The following DPP6 variants were observed in gnomAD, a reference collection of about 807,000 sequenced individuals.
The protein encoded by DPP6 is A-type potassium channel modulatory protein DPP6.
DPP6 carries 69 observed loss-of-function variants against 122.6 expected under a neutral mutation model. The observed-to-expected ratio is 0.56, with a 90% CI of 0.46 to 0.69. The LOEUF (loss-of-function observed/expected upper bound fraction) is 0.69. DPP6 is among the 30% of genes least tolerant of loss of function. The probability of loss-of-function intolerance (pLI) is 0.00; values close to 1 mark genes in which losing one functional copy is unlikely to be tolerated. For synonymous variants in DPP6, 418 were observed against 433.1 expected (o/e 0.97, Z 0.43); for missense variants, 928 against 1,116.9 (o/e 0.83, Z 2.41).
chr7:154,795,827 G>C lies in DPP6; in HGVS notation c.1261-18G>C. The C allele has an allele frequency of 6.2e-7, 1 of 1,606,024 alleles. No homozygotes were observed. Among genetic ancestry groups the C allele is most frequent in the South Asian group, 1.1e-5 (1 of 89,724 alleles). ...GAAAAGAAAAACCCTCTTGTCTAAT[G>C]CTCTCATTTCATTTCAGAAACACGA... On this transcript the variant is annotated intron_variant, in intron 11 of 25. Transcript: ENST00000377770.
chr7:153,768,657 T>G, the DPP6 span, among the ~76,000 whole-genome samples: 54 of 152,300 alleles, frequency 3.5e-4, no homozygotes, highest in African/African-American at 1.3e-3. Context: ...GTATATTGTC[T>G]TCAAATCTTT....
intron 1 of DPP6, chr7:154,058,219 T>C: frequency 7.0e-6 from 1 of 143,558 alleles, no homozygotes; most frequent in Non-Finnish European, 1.5e-5. Context: ...CTCCCCTGGC[T>C]CTTTGCACCC....
rs542914603 is a variant in DPP6 at position 154,468,051 on chromosome 7, A to G, written c.359-6888A>G. Among the ~76,000 whole-genome samples, 36 of 152,344 alleles carry G rather than the reference A, an allele frequency of 2.4e-4. 4 individuals carry two copies. The highest frequency in any genetic ancestry group is 2.2e-3 in the Admixed American group (34 of 15,302). On this transcript the variant is annotated intron_variant, in intron 2 of 25. Coordinates refer to ENST00000377770, the MANE Select transcript of DPP6 (RefSeq NM_130797.4). ...AAAGTGACACATTTCTCCAAAGAAG[A>G]TATAAAAATAACCAGTCAGTGCATG...
chr7:153,781,330 A>C, the DPP6 span, among the ~76,000 whole-genome samples: 1 of 152,198 alleles, frequency 6.6e-6, no homozygotes, highest in African/African-American at 2.4e-5. Context: ...TCCGAGATCA[A>C]AATTCCCCAG....
At chr7:154,206,062 G>A (rs375227171) in intron 1 of DPP6, among the ~76,000 whole-genome samples, 22 of 152,294 alleles carry the variant, frequency 1.4e-4, no homozygotes, top group Middle Eastern at 3.4e-3. Flanking sequence ...AAACATTTTT[G>A]AATGAAGGTC....
At chr7:154,157,422 T>A (rs1309205138) in intron 1 of DPP6, among the ~76,000 whole-genome samples, 1 of 152,212 alleles carries the variant, frequency 6.6e-6, no homozygotes, top group Non-Finnish European at 1.5e-5. Context: ...CTAGTTGTCT[T>A]GTGCTTCGTG....
intron 12 of DPP6, among the ~76,000 whole-genome samples, chr7:154,800,046 G>A (rs566285419): frequency 6.6e-5 from 10 of 152,202 alleles, no homozygotes; most frequent in African/African-American, 1.4e-4. Flanking sequence ...TCTGCCAAAC[G>A]TGCAAACATT....
intron 6 of DPP6, among the ~76,000 whole-genome samples, chr7:154,639,751 T>A (rs1225902174): frequency 6.6e-6 from 1 of 152,208 alleles, no homozygotes; most frequent in Admixed American, 6.5e-5. Context: ...CGGAGGGAGC[T>A]GCTTCTGGTG....
intron 1 of DPP6, among the ~76,000 whole-genome samples, chr7:154,006,168 C>T (rs1024116737): frequency 1.3e-5 from 2 of 152,140 alleles, no homozygotes; most frequent in Admixed American, 6.5e-5. Flanking sequence ...CAGCATCTGC[C>T]CTGACCTTGG....
intron 1 of DPP6, among the ~76,000 whole-genome samples, chr7:154,317,816 G>A (rs1807566636): frequency 6.6e-6 from 1 of 152,106 alleles, no homozygotes; most frequent in Non-Finnish European, 1.5e-5. Flanking sequence ...GTAACAGACA[G>A]TAATTGAGAA....
chr7:154,617,359 A>T (rs1227571201), intron 5 of DPP6, among the ~76,000 whole-genome samples: 1 of 152,262 alleles, frequency 6.6e-6, no homozygotes, highest in Admixed American at 6.5e-5. Context: ...GGATCCTGGA[A>T]TTACAGCATC....
chr7:154,054,007 G>T (rs1449938013), intron 1 of DPP6, among the ~76,000 whole-genome samples: 1 of 147,728 alleles, frequency 6.8e-6, no homozygotes, highest in Non-Finnish European at 1.5e-5. Flanking sequence ...TCTTTTCCCA[G>T]GGAAAAGAGA....
intron 1 of DPP6, among the ~76,000 whole-genome samples, chr7:153,987,134 G>A (rs1179324190): frequency 1.3e-5 from 2 of 152,162 alleles, no homozygotes; most frequent in African/African-American, 4.8e-5. Context: ...CAAGATGTAA[G>A]ATTTTACACC....
At chr7:154,494,125 C>T (rs1388186131) in intron 3 of DPP6, among the ~76,000 whole-genome samples, 3 of 152,016 alleles carry the variant, frequency 2.0e-5, no homozygotes, top group East Asian at 1.9e-4. Context: ...AGGCCAAAGC[C>T]GAAACATCGC....
chr7:154,318,531 TG>T (rs1807636132), intron 1 of DPP6, among the ~76,000 whole-genome samples: 1 of 152,146 alleles, frequency 6.6e-6, no homozygotes, highest in South Asian at 2.1e-4. Context: ...CCTTTGAAAA[TG>T]ATTTGTACAC....
intron 1 of DPP6, among the ~76,000 whole-genome samples, chr7:154,422,977 A>G (rs1351537292): frequency 6.6e-6 from 1 of 152,162 alleles, no homozygotes; most frequent in Non-Finnish European, 1.5e-5. Context: ...GAAGCCCCCC[A>G]TCTCAGGGGG....
At chr7:154,106,871 T>G (rs1806200337) in intron 1 of DPP6, among the ~76,000 whole-genome samples, 2 of 151,978 alleles carry the variant, frequency 1.3e-5, no homozygotes, top group African/African-American at 4.8e-5. Context: ...TGACGCTGAG[T>G]GCTTTCAAGC....
rs1250717157 is a variant in DPP6, at chr7:154,893,464, A to C, written c.*984A>C. 1 of 141,618 alleles carries C rather than the reference A, an allele frequency of 7.1e-6. No homozygotes were observed. Among genetic ancestry groups the C allele is most frequent in the Non-Finnish European group, 1.5e-5 (1 of 64,986 alleles). The allele number at this position is 141,618 out of a possible 1,614,324, so 8.8% of individuals were successfully genotyped here. A position where few individuals can be genotyped will look rare whatever the true frequency, so the allele number is the denominator to read the frequency against. Reference sequence around the variant, plus strand: ...ATGACATTTGGTTTAAAAAAAAAAAAAAAAAAAAAAAAAAAACAGAAAAAA... The same window carrying C: ...ATGACATTTGGTTTAAAAAAAAAAACAAAAAAAAAAAAAAAACAGAAAAAA... On this transcript the variant is annotated 3_prime_UTR_variant, in exon 26 of 26. Transcript: ENST00000377770.
chr7:154,371,394 A>G (rs1438704010), intron 1 of DPP6, among the ~76,000 whole-genome samples: 1 of 141,484 alleles, frequency 7.1e-6, no homozygotes, highest in Non-Finnish European at 1.5e-5. Flanking sequence ...AAAAAAAAAA[A>G]AAAAAAAAAA....
Sources: allele counts gnomAD v4.1 joint callset (sites outside exome capture counted in the v4.1 genomes callset), GRCh38; gene constraint gnomAD v4.1.1; transcripts MANE v1.5; gene names NCBI Gene and HGNC (gene_info 2026-07-23, HGNC 2026-07-21).